The following JADE3 variants were observed in gnomAD, a reference collection of about 807,000 sequenced individuals.
JADE3 encodes the protein protein Jade-3.
Under a neutral mutation model 50.1 loss-of-function variants are expected in JADE3, and 2 were observed. That is an observed-to-expected ratio of 0.04 (90% CI 0.02 to 0.13). JADE3 has a LOEUF of 0.13. JADE3 is among the 10% of genes least tolerant of loss of function. The probability of loss-of-function intolerance (pLI) is 1.00; values close to 1 mark genes in which losing one functional copy is unlikely to be tolerated. For missense variants in JADE3, 475 were observed against 634.4 expected (o/e 0.75, Z 2.70); for synonymous variants, 218 against 232.9 (o/e 0.94, Z 0.58).
At chrX:47,021,790 C>G (rs1454641176) in intron 4 of JADE3, among the ~76,000 whole-genome samples, 1 of 111,774 alleles carries the variant, frequency 8.9e-6, no homozygotes, top group Non-Finnish European at 1.9e-5. Flanking sequence ...ATTGGGTTGT[C>G]TTTTTCTAAT....
intron 3 of JADE3, among the ~76,000 whole-genome samples, chrX:46,993,209 T>G (rs2147134856): frequency 8.9e-6 from 1 of 112,102 alleles, no homozygotes; most frequent in East Asian, 2.8e-4. Flanking sequence ...ATATCATCTG[T>G]AGGCCTGGAG....
At chrX:46,956,353 C>T (rs907671633) in intron 1 of JADE3, among the ~76,000 whole-genome samples, 4 of 112,429 alleles carry the variant, frequency 3.6e-5, no homozygotes, top group Admixed American at 9.4e-5. Context: ...GCTGAGCCAC[C>T]GCGCTTGGCC....
At chrX:46,955,837 C>T (rs930616336) in intron 1 of JADE3, among the ~76,000 whole-genome samples, 1 of 110,641 alleles carries the variant, frequency 9.0e-6, no homozygotes, top group African/African-American at 3.3e-5. Flanking sequence ...ACATATTTTT[C>T]CTCCATACAG....
intron 1 of JADE3, among the ~76,000 whole-genome samples, chrX:46,916,978 A>G (rs1274531679): frequency 6.3e-5 from 7 of 111,444 alleles, no homozygotes; most frequent in Non-Finnish European, 5.6e-5. Flanking sequence ...TGAGTTAGAG[A>G]AGCCTTTGGT....
At chrX:46,970,479 T>C (rs1927460856) in intron 1 of JADE3, among the ~76,000 whole-genome samples, 1 of 111,894 alleles carries the variant, frequency 8.9e-6, no homozygotes, top group South Asian at 3.8e-4. Context: ...TCACACATCA[T>C]TGGTTAACAG....
rs76620726 is a variant in JADE3, at chrX:46,919,254, C to T, written c.-12+6535C>T. On this transcript the variant is annotated intron_variant, in intron 1 of 10. Transcript: ENST00000614628. The stretch of plus-strand genomic sequence containing the variant: ...ATTATCAAAGGAGTCTCTAGATTTC[C>T]TCAACCTTCCATTCAAGCATTATCA... Among the ~76,000 whole-genome samples the T allele has an allele frequency of 1.4e-4, 16 of 111,634 alleles. No homozygotes were observed. In the East Asian group the frequency reaches 4.5e-3, roughly 31 times the overall value.
chrX:46,984,762 C>A, intron 1 of JADE3, 122 bp from the exon 2 acceptor site: 1 of 510,833 alleles, frequency 2.0e-6, no homozygotes, highest in Non-Finnish European at 3.5e-6. Context: ...ATATTCTTGA[C>A]AAAAATCATT....
chrX:46,957,735 T>C (rs782707596), intron 1 of JADE3, among the ~76,000 whole-genome samples: 1 of 112,303 alleles, frequency 8.9e-6, no homozygotes, highest in East Asian at 2.8e-4. Flanking sequence ...TTCCTTTTGT[T>C]ACCTTGGCAA....
intron 4 of JADE3, among the ~76,000 whole-genome samples, chrX:47,023,683 G>T (rs7055086): frequency 8.9e-5 from 10 of 111,987 alleles, no homozygotes; most frequent in African/African-American, 3.2e-4. Context: ...CAAGGTGGGC[G>T]GATCATGAGG....
At chrX:46,939,436 A>G (rs1298675051) in intron 1 of JADE3, among the ~76,000 whole-genome samples, 1 of 111,752 alleles carries the variant, frequency 8.9e-6, no homozygotes, top group Non-Finnish European at 1.9e-5. Flanking sequence ...TTTACTATAC[A>G]TCTCAGACAG....
intron 4 of JADE3, among the ~76,000 whole-genome samples, chrX:47,020,915 G>T (rs1279289927): frequency 1.8e-5 from 2 of 110,128 alleles, no homozygotes; most frequent in Non-Finnish European, 3.8e-5. Flanking sequence ...AGGAGTTCAA[G>T]ACTAGCCTGG....
At chrX:47,056,972 C>T (rs1929643719) in intron 10 of JADE3, among the ~76,000 whole-genome samples, 1 of 111,987 alleles carries the variant, frequency 8.9e-6, no homozygotes, top group Non-Finnish European at 1.9e-5. Context: ...AATGAGGTGA[C>T]AGGTGGGTGT....
chrX:46,940,230 T>C (rs1447694662), intron 1 of JADE3, among the ~76,000 whole-genome samples: 1 of 112,379 alleles, frequency 8.9e-6, no homozygotes, highest in East Asian at 2.8e-4. Flanking sequence ...AAGATGAGAG[T>C]TAACTGATTA....
At chrX:46,931,527 T>TTC (rs1288010491) in intron 1 of JADE3, among the ~76,000 whole-genome samples, 15 of 110,295 alleles carry the variant, frequency 1.4e-4, no homozygotes, top group Non-Finnish European at 2.8e-4. Context: ...GTTCAAGCGA[T>TTC]TCTCCTGCCT....
At chrX:46,998,874 G>T (rs2356420) in intron 4 of JADE3, among the ~76,000 whole-genome samples, 37,193 of 108,334 alleles carry the variant, frequency 0.34, 7,807 homozygotes, top group African/African-American at 0.76. Flanking sequence ...TTTGGTATTT[G>T]TTTTAATAGA....
At chrX:46,996,296 A>G (rs925774438) in intron 3 of JADE3, among the ~76,000 whole-genome samples, 6 of 112,096 alleles carry the variant, frequency 5.4e-5, no homozygotes, top group Non-Finnish European at 9.4e-5. Context: ...CGGACTCCCA[A>G]AGTGCTGGGA....
chrX:46,933,317 T>C (rs1328254473), intron 1 of JADE3, among the ~76,000 whole-genome samples: 1 of 111,782 alleles, frequency 8.9e-6, no homozygotes, highest in Non-Finnish European at 1.9e-5. Flanking sequence ...GCCTTGTCAT[T>C]ACCCAAAGAA....
intron 3 of JADE3, among the ~76,000 whole-genome samples, chrX:46,991,171 G>A (rs1026034605): frequency 2.0e-5 from 2 of 101,880 alleles, no homozygotes; most frequent in Non-Finnish European, 4.0e-5. Context: ...TGCAACCTCC[G>A]CCTCCTACGT....
intron 4 of JADE3, among the ~76,000 whole-genome samples, chrX:47,021,883 T>A (rs1185124624): frequency 8.9e-6 from 1 of 112,303 alleles, no homozygotes; most frequent in African/African-American, 3.2e-5. Flanking sequence ...TCCTGTCCCA[T>A]GGATTGCCTT....
Sources: gnomAD v4.1 joint callset for allele counts (sites outside exome capture counted in the v4.1 genomes callset) on GRCh38, gnomAD v4.1.1 for gene constraint, MANE v1.5 for transcripts, NCBI Gene and HGNC (gene_info 2026-07-23, HGNC 2026-07-21) for gene names.